SHQ1: variants seen among roughly 807,000 people sequenced by gnomAD.
SHQ1 encodes protein SHQ1 homolog.
A neutral mutation model predicts 53.8 loss-of-function variants in SHQ1; 49 were observed. The ratio of observed to expected loss-of-function variants is 0.91; its 90% CI spans 0.72 to 1.16. The LOEUF (loss-of-function observed/expected upper bound fraction) is 1.16. Ranked by LOEUF, SHQ1 falls within the 50% of genes most tolerant of loss-of-function variation. The probability of loss-of-function intolerance (pLI) is 0.00; values close to 1 mark genes in which losing one functional copy is unlikely to be tolerated. For missense variants in SHQ1, 738 were observed against 683.1 expected, an observed-to-expected ratio of 1.08 and a Z score of -0.90; for synonymous variants, 243 against 251.0, an observed-to-expected ratio of 0.97 and a Z score of 0.30.
At chr3:72,761,107 T>C (rs984486369) in intron 10 of SHQ1, among the ~76,000 whole-genome samples, 2 of 152,218 alleles carry the variant, frequency 1.3e-5, no homozygotes. Context: ...AATATATATC[T>C]GACACAGACT....
At position 72,749,574 on chromosome 3, in the gene SHQ1, G is replaced by C; in HGVS notation, c.*710C>G. The C allele has an allele frequency of 4.5e-6, 1 of 220,926 alleles. No homozygotes were observed. The highest frequency in any genetic ancestry group is 9.1e-6 in the Non-Finnish European group (1 of 110,338). The allele number at this position is 220,926 out of a possible 1,614,324, so 13.7% of individuals were successfully genotyped here. A position where few individuals can be genotyped will look rare whatever the true frequency, so the allele number is the denominator to read the frequency against. On this transcript the variant is annotated 3_prime_UTR_variant, in exon 11 of 11. Coordinates refer to ENST00000325599, the MANE Select transcript of SHQ1 (RefSeq NM_018130.3). ...AAGGGCACTTGGGAATGATGGGTCC[G>C]TTCCTCACTTCAGTTGTGGTGATAG... is the stretch of plus-strand genomic sequence containing the variant.
At chr3:72,782,101 A>G (rs1458563236) in intron 10 of SHQ1, among the ~76,000 whole-genome samples, 1 of 152,200 alleles carries the variant, frequency 6.6e-6, no homozygotes, top group Non-Finnish European at 1.5e-5. Context: ...TGAAAGTCCT[A>G]ATTTATCACT....
chr3:72,833,554 T>C (rs569542326), intron 4 of SHQ1, among the ~76,000 whole-genome samples: 82 of 151,440 alleles, frequency 5.4e-4, no homozygotes, highest in African/African-American at 1.9e-3. Flanking sequence ...GATAGATAGA[T>C]AGATAGATAG....
intron 10 of SHQ1, among the ~76,000 whole-genome samples, chr3:72,768,716 G>A (rs1308044784): frequency 5.9e-5 from 9 of 152,142 alleles, no homozygotes; most frequent in African/African-American, 1.7e-4. Context: ...TTTTTTCCTC[G>A]ACACAAACAC....
At chr3:72,751,181 C>T (rs1370253392) in intron 10 of SHQ1, among the ~76,000 whole-genome samples, 2 of 152,000 alleles carry the variant, frequency 1.3e-5, no homozygotes, top group Admixed American at 6.6e-5. Flanking sequence ...GAGGCTGAGG[C>T]GGGTGGATCA....
At chr3:72,787,860 G>A (rs992719462) in intron 10 of SHQ1, among the ~76,000 whole-genome samples, 3 of 152,176 alleles carry the variant, frequency 2.0e-5, no homozygotes, top group South Asian at 2.1e-4. Context: ...GATTGCAGGC[G>A]TGCGCCGCCA....
intron 10 of SHQ1, among the ~76,000 whole-genome samples, chr3:72,768,940 G>A (rs545305389): frequency 6.6e-6 from 1 of 152,302 alleles, no homozygotes; most frequent in South Asian, 2.1e-4. Flanking sequence ...TTTATTGAGT[G>A]GCCAGTATTT....
At chr3:72,784,424 A>G (rs1194540441) in intron 10 of SHQ1, among the ~76,000 whole-genome samples, 1 of 152,222 alleles carries the variant, frequency 6.6e-6, no homozygotes, top group Non-Finnish European at 1.5e-5. Context: ...ACCATTAAGT[A>G]AATCCTTTCT....
At chr3:72,835,963 C>T (rs1707979040) in intron 4 of SHQ1, among the ~76,000 whole-genome samples, 1 of 152,168 alleles carries the variant, frequency 6.6e-6, no homozygotes, top group Admixed American at 6.5e-5. Context: ...AATTACTGTC[C>T]ATCTCCTCAC....
chr3:72,840,242 T>TAAAAAAAAAAAAAAAAAAAAA, intron 4 of SHQ1, among the ~76,000 whole-genome samples: 1 of 93,592 alleles, frequency 1.1e-5, no homozygotes, highest in Non-Finnish European at 2.0e-5. Flanking sequence ...GACTCTGTCT[T>TAAAAAAAAAAAAAAAAAAAAA]AAAAAAAAAA....
At chr3:72,803,093 G>A (rs758021201) in intron 9 of SHQ1, among the ~76,000 whole-genome samples, 6 of 152,112 alleles carry the variant, frequency 3.9e-5, no homozygotes, top group Admixed American at 6.5e-5. Flanking sequence ...AGAAAGACAC[G>A]CTGGCACTTA....
intron 10 of SHQ1, among the ~76,000 whole-genome samples, chr3:72,776,858 G>A (rs969536938): frequency 2.0e-5 from 3 of 152,148 alleles, no homozygotes; most frequent in African/African-American, 7.2e-5. Flanking sequence ...TCGCATGACA[G>A]ACAAGTAAAT....
chr3:72,841,273 A>G (rs1575740885), intron 3 of SHQ1, 74 bp from the exon 4 acceptor site: 2 of 1,204,848 alleles, frequency 1.7e-6, no homozygotes, highest in South Asian at 3.1e-5. Flanking sequence ...AGTATAGGAA[A>G]AAATGCCCAC....
intron 10 of SHQ1, among the ~76,000 whole-genome samples, chr3:72,763,790 G>A (rs554380301): frequency 2.0e-5 from 3 of 152,296 alleles, no homozygotes; most frequent in East Asian, 3.9e-4. Flanking sequence ...TTCTCCTGCA[G>A]AGTTCACAGG....
chr3:72,781,333 G>T (rs1706069230), intron 10 of SHQ1, among the ~76,000 whole-genome samples: 1 of 152,038 alleles, frequency 6.6e-6, no homozygotes, highest in Non-Finnish European at 1.5e-5. Context: ...TGGGATTATG[G>T]GCGTGAGACA....
chr3:72,806,240 T>C (rs1706940481), intron 9 of SHQ1, among the ~76,000 whole-genome samples: 1 of 152,172 alleles, frequency 6.6e-6, no homozygotes, highest in African/African-American at 2.4e-5. Context: ...CTTTCAAACA[T>C]TCAGCAGCAG....
chr3:72,754,213 G>A (rs1315616174), intron 10 of SHQ1, among the ~76,000 whole-genome samples: 2 of 152,014 alleles, frequency 1.3e-5, no homozygotes, highest in South Asian at 2.1e-4. Flanking sequence ...TTACAGATGA[G>A]GGAACTAGAG....
the SHQ1 span, among the ~76,000 whole-genome samples, chr3:72,726,049 C>T: frequency 6.6e-6 from 1 of 152,082 alleles, no homozygotes. Flanking sequence ...AGGAGGATTG[C>T]TTGAGCCCCA....
intron 10 of SHQ1, among the ~76,000 whole-genome samples, chr3:72,754,451 G>A (rs190301681): frequency 0.011 from 1,696 of 150,566 alleles, 9 homozygotes; most frequent in Non-Finnish European, 0.017. Context: ...GCACGATCTC[G>A]GCTCACCACA....
Sources: gnomAD v4.1 joint callset for allele counts (sites outside exome capture counted in the v4.1 genomes callset) on GRCh38, gnomAD v4.1.1 for gene constraint, MANE v1.5 for transcripts, NCBI Gene and HGNC (gene_info 2026-07-23, HGNC 2026-07-21) for gene names.